The following CYP4F3 variants were observed in gnomAD, a reference collection of about 807,000 sequenced individuals.
CYP4F3 encodes the protein cytochrome P450 4F3.
In CYP4F3, 50 loss-of-function variants were observed where a neutral mutation model predicts 54.8. The ratio of observed to expected loss-of-function variants is 0.91; its 90% CI spans 0.73 to 1.16. CYP4F3 has a LOEUF of 1.16. Ranked by LOEUF, CYP4F3 falls within the 50% of genes most tolerant of loss-of-function variation. The probability of loss-of-function intolerance (pLI) is 0.00; values close to 1 mark genes in which losing one functional copy is unlikely to be tolerated. For missense variants in CYP4F3, 715 were observed against 676.2 expected (o/e 1.06, Z -0.64); for synonymous variants, 244 against 262.6 (o/e 0.93, Z 0.69).
chr19:15,645,713 C>T lies in CYP4F3; in HGVS notation c.199-6C>T, dbSNP rs1440753435. On this transcript the variant is annotated splice_polypyrimidine_tract_variant and splice_region_variant and intron_variant, in intron 2 of 12. Coordinates refer to ENST00000221307, the MANE Select transcript of CYP4F3 (RefSeq NM_000896.3). The stretch of plus-strand genomic sequence containing the variant: ...CATGAATTGGGTCCTGTGTCTTTCT[C>T]TCCAGATTCACAGCTCGGAGGAAGG... 2 of 1,602,462 alleles carry T rather than the reference C, an allele frequency of 1.2e-6. No homozygotes were observed. The highest frequency in any genetic ancestry group is 1.3e-5 in the African/African-American group (1 of 74,928).
At chr19:15,641,851 C>T (rs1204668452) in intron 2 of CYP4F3, among the ~76,000 whole-genome samples, 1 of 152,170 alleles carries the variant, frequency 6.6e-6, no homozygotes, top group East Asian at 1.9e-4. Flanking sequence ...TGTCTTTCCA[C>T]ATTAATGCAC....
At chr19:15,659,000 A>C (rs1381127089) in intron 12 of CYP4F3, among the ~76,000 whole-genome samples, 191 bp downstream of exon 12, 3 of 150,024 alleles carry the variant, frequency 2.0e-5, no homozygotes, top group Non-Finnish European at 2.9e-5. Flanking sequence ...TAGTGAGCTC[A>C]GAGCTCCCTC....
rs1358887921 is a variant in CYP4F3 at position 15,661,655 on chromosome 19, T to C, written c.*2270T>C. 1 of 152,278 alleles carries C rather than the reference T, an allele frequency of 6.6e-6. No individual in the cohort carries two copies. The highest frequency in any genetic ancestry group is 1.5e-5 in the Non-Finnish European group (1 of 68,048). The allele number at this position is 152,278 out of a possible 1,614,324, so 9.4% of individuals were successfully genotyped here. ...TTGAGAGTTCTATGTACAAGTCCTTTGTCAGTCGTGTGATTTGCAAGTCTT... is the reference window on the plus strand; with the variant it reads ...TTGAGAGTTCTATGTACAAGTCCTTCGTCAGTCGTGTGATTTGCAAGTCTT... On this transcript the variant is annotated 3_prime_UTR_variant, in exon 13 of 13. Coordinates refer to ENST00000221307, the MANE Select transcript of CYP4F3 (RefSeq NM_000896.3).
rs1208099269 is a variant in CYP4F3 at position 15,656,774 on chromosome 19, T to TCCAA, written c.1116-1487_1116-1486insACCA. Among the ~76,000 whole-genome samples the TCCAA allele has an allele frequency of 1.6e-3, 192 of 122,476 alleles. 2 individuals are homozygous for TCCAA. Among genetic ancestry groups the TCCAA allele is most frequent in the African/African-American group, 5.7e-3 (185 of 32,644 alleles). The allele number at this position is 122,476 out of a possible 152,430, so 80.3% of individuals were successfully genotyped here. On this transcript the variant is annotated intron_variant, in intron 9 of 12. Transcript: ENST00000221307. ...TATCTATCTATCTATCTATCATCCA[T>TCCAA]CCATCCATGATCTATCTCTCCACCA...
rs1277038586 is a variant in CYP4F3, at chr19:15,657,620, A to G, written c.1116-644A>G. Among the ~76,000 whole-genome samples, 4 of 151,934 alleles carry G rather than the reference A, an allele frequency of 2.6e-5. No homozygotes were observed. The East Asian group carries it at 7.7e-4, about 29-fold the overall frequency. On this transcript the variant is annotated intron_variant, in intron 9 of 12. Coordinates refer to ENST00000221307, the MANE Select transcript of CYP4F3 (RefSeq NM_000896.3). ...AATCCTTTACTATTAGCTGAGTTTT[A>G]TGGCACAAACTTTCCCATAACTTTA... is the stretch of plus-strand genomic sequence containing the variant.
chr19:15,645,901 C>A, intron 3 of CYP4F3, 38 bp downstream of exon 3: 1 of 1,536,092 alleles, frequency 6.5e-7, no homozygotes, highest in South Asian at 1.2e-5. Context: ...AGACACTGCA[C>A]TGGCCACGCC....
chr19:15,650,324 G>C (rs1409939920), intron 7 of CYP4F3, 141 bp downstream of exon 7: 2 of 1,530,188 alleles, frequency 1.3e-6, no homozygotes, highest in African/African-American at 2.7e-5. Flanking sequence ...GTCAGAGATA[G>C]GTTTTGGAGA....
At chr19:15,643,826 A>C (rs1272693355) in intron 2 of CYP4F3, 5 of 1,383,208 alleles carry the variant, frequency 3.6e-6, no homozygotes, top group Non-Finnish European at 4.7e-6. Context: ...ATGATCAACT[A>C]TCTGGGCATC....
chr19:15,650,734 TTCTTTTCCTTCCTTCCA>T (rs1972797417), intron 7 of CYP4F3, among the ~76,000 whole-genome samples: 1 of 117,652 alleles, frequency 8.5e-6, no homozygotes, highest in Admixed American at 9.1e-5. Flanking sequence ...CTTTCTTTCT[TTCTTTTCCTTCCTTCCA>T]TCTTTCTTTC....
intron 2 of CYP4F3, 35 bp downstream of exon 2, chr19:15,641,648 G>A: frequency 6.2e-7 from 1 of 1,610,042 alleles, no homozygotes; most frequent in Non-Finnish European, 8.5e-7. Flanking sequence ...TGGGGTCTCA[G>A]GGTGGATGGA....
At chr19:15,644,651 G>A (rs1274457208) in intron 2 of CYP4F3, among the ~76,000 whole-genome samples, 1 of 152,236 alleles carries the variant, frequency 6.6e-6, no homozygotes, top group African/African-American at 2.4e-5. Context: ...CATCTCTGGT[G>A]TGGGTCAAGT....
At chr19:15,652,707 C>A in intron 8 of CYP4F3, 72 bp downstream of exon 8, 1 of 1,611,132 alleles carries the variant, frequency 6.2e-7, no homozygotes, top group Non-Finnish European at 8.5e-7. Context: ...GGGTGGACCC[C>A]TCGCACTTCC....
At chr19:15,642,050 C>T (rs1972480058) in intron 2 of CYP4F3, among the ~76,000 whole-genome samples, 2 of 152,156 alleles carry the variant, frequency 1.3e-5, no homozygotes, top group African/African-American at 4.8e-5. Flanking sequence ...CTCACCTCCA[C>T]CACATCCGGA....
chr19:15,649,925 A>G lies in CYP4F3; in HGVS notation c.660A>G (p.Glu220=), dbSNP rs758681598. 1.2e-6 allele frequency: 2 copies of G among 1,613,894 alleles called. No individual in the cohort carries two copies. The highest frequency in any genetic ancestry group is 1.1e-5 in the South Asian group (1 of 91,064). The part of the protein sequence containing the change: ...FDSHCQEKPS[E]YIAAILELSA... ...CCTTATCCTGCAGGAAGCCCAGTGA[A>G]TATATTGCCGCCATCTTGGAGCTCA... The change falls in exon 7 of 13, where the codon GAA becomes GAG. Residue 220 remains glutamate, a synonymous_variant. Transcript: ENST00000221307.
chr19:15,662,587 T>C lies in CYP4F3; in HGVS notation c.*3202T>C, dbSNP rs529321030. The C allele has an allele frequency of 2.0e-5, 3 of 152,338 alleles. No individual in the cohort carries two copies. Among genetic ancestry groups the C allele is most frequent in the African/African-American group, 4.8e-5 (2 of 41,572 alleles). 9.4% of individuals were successfully genotyped at this position (152,338 alleles called of 1,614,324 possible). On this transcript the variant is annotated 3_prime_UTR_variant, in exon 13 of 13. Coordinates refer to ENST00000221307, the MANE Select transcript of CYP4F3 (RefSeq NM_000896.3). The stretch of plus-strand genomic sequence containing the variant: ...TGTCTATTTCTACAAATAGTCCTGA[T>C]AGGGTTTGAATTGGGATTTCTGTGA...
intron 2 of CYP4F3, among the ~76,000 whole-genome samples, chr19:15,643,314 T>TTAGA (rs61194289): frequency 1.1e-4 from 14 of 124,592 alleles, no homozygotes; most frequent in East Asian, 2.5e-4. Context: ...GATAGATAGA[T>TTAGA]TAGATAGATA....
At chr19:15,651,399 G>T (rs549963885) in intron 7 of CYP4F3, among the ~76,000 whole-genome samples, 1 of 131,278 alleles carries the variant, frequency 7.6e-6, no homozygotes, top group Non-Finnish European at 1.7e-5. Flanking sequence ...ATGGAGTCTC[G>T]CTGTGTCACC....
In CYP4F3 at chr19:15,661,687, A is replaced by C. The variant is rs1333623030; in HGVS notation, c.*2302A>C. The C allele has an allele frequency of 6.6e-6, 1 of 152,210 alleles. No homozygotes were observed. Among genetic ancestry groups the C allele is most frequent in the Non-Finnish European group, 1.5e-5 (1 of 68,034 alleles). 9.4% of individuals were successfully genotyped at this position (152,210 alleles called of 1,614,324 possible). On this transcript the variant is annotated 3_prime_UTR_variant, in exon 13 of 13. Coordinates refer to ENST00000221307, the MANE Select transcript of CYP4F3 (RefSeq NM_000896.3). ...CGTGTGATTTGCAAGTCTTCTTCCT[A>C]GTCTCTGAAGTTTCTTTCTTTCATA...
intron 9 of CYP4F3, among the ~76,000 whole-genome samples, chr19:15,656,524 T>TGTATCTATCTATC (rs60912344): frequency 1.4e-5 from 1 of 70,568 alleles, no homozygotes; most frequent in East Asian, 6.1e-4. Context: ...TATCTATCTA[T>TGTATCTATCTATC]TTCTATCATC....
Sources: gnomAD v4.1 joint callset for allele counts (sites outside exome capture counted in the v4.1 genomes callset) on GRCh38, gnomAD v4.1.1 for gene constraint, MANE v1.5 for transcripts, NCBI Gene and HGNC (gene_info 2026-07-23, HGNC 2026-07-21) for gene names.